ATP6V1B1: variants seen among roughly 807,000 people sequenced by gnomAD.
The protein encoded by ATP6V1B1 is V-type proton ATPase subunit B, kidney isoform.
ATP6V1B1 carries 41 observed loss-of-function variants against 62.1 expected under a neutral mutation model. The ratio of observed to expected loss-of-function variants is 0.66; its 90% confidence interval spans 0.51 to 0.86. The LOEUF is 0.86. Among genes scored for constraint, ATP6V1B1 ranks in the 40% least tolerant of loss-of-function variants. The pLI, the probability that ATP6V1B1 is intolerant of heterozygous loss-of-function variation, is 0.00. For missense variants in ATP6V1B1, 651 were observed against 697.5 expected, an observed-to-expected ratio of 0.93 and a Z score of 0.75; for synonymous variants, 253 against 273.4, an observed-to-expected ratio of 0.93 and a Z score of 0.74.
chr2:70,938,587 G>A, intron 1 of ATP6V1B1: 2 of 985,404 alleles, frequency 2.0e-6, no homozygotes, highest in Non-Finnish European at 2.4e-6. Flanking sequence ...CACTGCAGTG[G>A]CTGAGAGAGG....
chr2:70,944,132 A>G, intron 2 of ATP6V1B1: 1 of 1,283,106 alleles, frequency 7.8e-7, no homozygotes, highest in Non-Finnish European at 1.0e-6. Flanking sequence ...TTTAACGGGA[A>G]AGAGGAGGAG....
intron 1 of ATP6V1B1, among the ~76,000 whole-genome samples, chr2:70,937,849 T>C (rs968918942): frequency 4.6e-5 from 7 of 152,068 alleles, no homozygotes; most frequent in Non-Finnish European, 1.0e-4. Flanking sequence ...AGCCAGCTCT[T>C]TCCCACCCAG....
At chr2:70,950,968 G>A (rs12469950) in intron 2 of ATP6V1B1, among the ~76,000 whole-genome samples, 37,869 of 116,974 alleles carry the variant, frequency 0.32, 6,765 homozygotes, top group Non-Finnish European at 0.41. Flanking sequence ...TTGAGACGGA[G>A]TTTCACTCTT....
In ATP6V1B1 at chr2:70,963,351, T is replaced by G; in HGVS notation, c.1060+39T>G. ...AGCCCACTACCCTCCAGAGCTCCCC[T>G]GTCCTCCCTTTTCCAACCAGATACT... On this transcript the variant is annotated intron_variant, in intron 10 of 13. Coordinates refer to ENST00000234396, the MANE Select transcript of ATP6V1B1 (RefSeq NM_001692.4). This position sits in a 1 kb window ranked among gnomAD's most constrained non-coding sequence, Gnocchi z 4.3. 1 of 1,612,066 alleles carries G rather than the reference T, an allele frequency of 6.2e-7. No homozygotes were observed. Among genetic ancestry groups the G allele is most frequent in the East Asian group, 2.2e-5 (1 of 44,870 alleles).
chr2:70,962,812 C>G lies in ATP6V1B1; in HGVS notation c.821C>G (p.Thr274Ser). Residue 274 changes from threonine (T) to serine (S), a missense_variant, in exon 9 of 14, where the codon ACC (threonine) becomes AGC (serine). Transcript: ENST00000234396. ...ERIITPRLAL[T>S]TAEFLAYQCE... ...ATCATCACCCCGCGCCTGGCGCTGA[C>G]CACTGCTGAATTCCTTGCCTACCAG... 6.2e-7 allele frequency: 1 copy of G among 1,614,184 alleles called. No homozygotes were observed. Among genetic ancestry groups the G allele is most frequent in the Non-Finnish European group, 8.5e-7 (1 of 1,180,032 alleles).
intron 1 of ATP6V1B1, chr2:70,942,113 C>A: frequency 3.2e-6 from 3 of 948,976 alleles, no homozygotes; most frequent in African/African-American, 1.7e-5. Flanking sequence ...AGGCTCTGGT[C>A]CTTCACCCCA....
chr2:70,959,201 G>A lies in ATP6V1B1; in HGVS notation c.445+106G>A. ...CAAGCAGATCAGATGTGATGGGAGA[G>A]CAGCAAAGGCCTCTCTATCCCCAAA... On this transcript the variant is annotated intron_variant, in intron 5 of 13. Transcript: ENST00000234396. This position sits in a 1 kb window ranked among gnomAD's most constrained non-coding sequence, Gnocchi z 4.2. 1 of 1,220,596 alleles carries A rather than the reference G, an allele frequency of 8.2e-7. No individual in the cohort carries two copies. The highest frequency in any genetic ancestry group is 1.2e-6 in the Non-Finnish European group (1 of 837,752). The allele number at this position is 1,220,596 out of a possible 1,614,324, so 75.6% of individuals were successfully genotyped here. A position where few individuals can be genotyped will look rare whatever the true frequency, so the allele number is the denominator to read the frequency against.
chr2:70,943,865 T>G, intron 2 of ATP6V1B1, 152 bp downstream of exon 2: 3 of 1,285,632 alleles, frequency 2.3e-6, no homozygotes, highest in Non-Finnish European at 3.2e-6. Flanking sequence ...CCCACTCTCC[T>G]TCCCTAGCTG....
chr2:70,960,159 C>A (rs1680552286), intron 6 of ATP6V1B1, 81 bp downstream of exon 6: 2 of 1,587,406 alleles, frequency 1.3e-6, no homozygotes, highest in African/African-American at 1.3e-5. Context: ...GAGGACAGCT[C>A]CTGTGCCAAG....
At chr2:70,944,826 G>T (rs978860937) in intron 2 of ATP6V1B1, among the ~76,000 whole-genome samples, 1 of 152,028 alleles carries the variant, frequency 6.6e-6, no homozygotes, top group Non-Finnish European at 1.5e-5. Flanking sequence ...CCGCTACCAC[G>T]CCCAGCTGAT....
At chr2:70,940,061 C>T (rs1572905699) in intron 1 of ATP6V1B1, 2 of 152,434 alleles carry the variant, frequency 1.3e-5, no homozygotes, top group East Asian at 1.9e-4. Flanking sequence ...GCAGCAAGCA[C>T]TTTGCAGCTG....
In ATP6V1B1 at chr2:70,963,953, G is replaced by A. The variant is rs1425034186; in HGVS notation, c.1143+299G>A. On this transcript the variant is annotated intron_variant, in intron 11 of 13. Coordinates refer to ENST00000234396, the MANE Select transcript of ATP6V1B1 (RefSeq NM_001692.4). The surrounding 1 kb of genome is among the most constrained non-coding windows in gnomAD (Gnocchi z 4.3). Reference sequence around the variant, plus strand: ...GACGCATTGTGGAGGATAAAAATAAGTTGGCATATAGAAAGCATCTGGCAG... The same window carrying A: ...GACGCATTGTGGAGGATAAAAATAAATTGGCATATAGAAAGCATCTGGCAG... 4 of 507,016 alleles carry A rather than the reference G, an allele frequency of 7.9e-6. No individual in the cohort carries two copies. The highest frequency in any genetic ancestry group is 7.7e-5 in the African/African-American group (4 of 51,834). The allele number at this position is 507,016 out of a possible 1,614,324, so 31.4% of individuals were successfully genotyped here. A position where few individuals can be genotyped will look rare whatever the true frequency, so the allele number is the denominator to read the frequency against.
At position 70,964,973 on chromosome 2, in the gene ATP6V1B1, G is replaced by A. The variant is rs142905621; in HGVS notation, c.1394G>A (p.Arg465His). The A allele has an allele frequency of 1.7e-3, 2,672 of 1,613,912 alleles. 36 individuals carry two copies. Among genetic ancestry groups the A allele is most frequent in the South Asian group, 0.015 (1,405 of 91,090 alleles). ...NFINQGPYEN[R>H]SVFESLDLGW... ...CTGTCCCTAGGCCCCTACGAGAACC[G>A]CTCGGTGTTCGAGTCGCTGGACCTG... is the stretch of plus-strand genomic sequence containing the variant. Residue 465 changes from arginine (R) to histidine (H), a missense_variant, in exon 14 of 14, where the codon CGC becomes CAC. Physicochemically the swap from Arg to His is conservative, Grantham distance 29. Transcript: ENST00000234396.
In ATP6V1B1 at chr2:70,961,529, G is replaced by T; in HGVS notation, c.688-67G>T. 3 of 1,519,328 alleles carry T rather than the reference G, an allele frequency of 2.0e-6. No individual in the cohort carries two copies. In the South Asian group the frequency reaches 3.4e-5, roughly 17 times the overall value. 94.1% of individuals were successfully genotyped at this position (1,519,328 alleles called of 1,614,324 possible). A position where few individuals can be genotyped will look rare whatever the true frequency, so the allele number is the denominator to read the frequency against. Reference sequence around the variant, plus strand: ...TCCACAGGCTTTCCTGAGGACACCTGGGAGGGGCCAGGCCTTGCCCTCAGG... The same window carrying T: ...TCCACAGGCTTTCCTGAGGACACCTTGGAGGGGCCAGGCCTTGCCCTCAGG... On this transcript the variant is annotated intron_variant, in intron 7 of 13. Coordinates refer to ENST00000234396, the MANE Select transcript of ATP6V1B1 (RefSeq NM_001692.4).
At position 70,962,919 on chromosome 2, in the gene ATP6V1B1, G is replaced by T; in HGVS notation, c.909+19G>T. 6.2e-7 allele frequency: 1 copy of T among 1,613,610 alleles called. No individual in the cohort carries two copies. The highest frequency in any genetic ancestry group is 1.7e-4 in the Middle Eastern group (1 of 6,056). ...GCGGGAGGTAAGCTGGCTAGCAAGG[G>T]GTGTCAGATTCCTCCCTACCCCTCC... is the stretch of plus-strand genomic sequence containing the variant. On this transcript the variant is annotated intron_variant, in intron 9 of 13. Coordinates refer to ENST00000234396, the MANE Select transcript of ATP6V1B1 (RefSeq NM_001692.4).
At chr2:70,957,585 C>T (rs1257304917) in intron 2 of ATP6V1B1, among the ~76,000 whole-genome samples, 4 of 151,684 alleles carry the variant, frequency 2.6e-5, no homozygotes, top group South Asian at 2.1e-4. Context: ...TCCAGGATCC[C>T]GAGGCAGCCC....
At position 70,963,065 on chromosome 2, in the gene ATP6V1B1, C is replaced by G. The variant is rs977882457; in HGVS notation, c.910-97C>G. 3.6e-5 allele frequency: 57 copies of G among 1,602,726 alleles called. No individual in the cohort carries two copies. Among genetic ancestry groups the G allele is most frequent in the Middle Eastern group, 3.3e-4 (2 of 6,074 alleles). On this transcript the variant is annotated intron_variant, in intron 9 of 13. Coordinates refer to ENST00000234396, the MANE Select transcript of ATP6V1B1 (RefSeq NM_001692.4). This position sits in a 1 kb window ranked among gnomAD's most constrained non-coding sequence, Gnocchi z 4.3. The stretch of plus-strand genomic sequence containing the variant: ...GCCTGGCCATTCCTCCCCTGCCCCC[C>G]ACTCCATTTCTCACAGGGTCACTGA...
At chr2:70,945,603 G>A (rs1558670861) in intron 2 of ATP6V1B1, among the ~76,000 whole-genome samples, 1 of 150,228 alleles carries the variant, frequency 6.7e-6, no homozygotes, top group African/African-American at 2.5e-5. Context: ...TACATATAAT[G>A]CATAGTGATC....
chr2:70,936,046 G>A lies in ATP6V1B1; in HGVS notation c.92G>A (p.Arg31Gln), dbSNP rs143516810. 6.8e-6 allele frequency: 11 copies of A among 1,613,706 alleles called. No individual in the cohort carries two copies. The highest frequency in any genetic ancestry group is 1.1e-5 in the South Asian group (1 of 91,078). Residue 31 changes from arginine to glutamine, a missense_variant, in exon 1 of 14, where the codon CGA (arginine) becomes CAA (glutamine). Arg to Gln is a conservative substitution (Grantham distance 43). Transcript: ENST00000234396. The stretch of plus-strand genomic sequence containing the variant: ...CGAGAACACATGCAGGCGGTCACCC[G>A]AAACTACATCACCCACCCCCGTGTC... ...AAREHMQAVT[R>Q]NYITHPRVTY... is the part of the protein sequence containing the mutation.
Sources: gnomAD v4.1 joint callset for allele counts (sites outside exome capture counted in the v4.1 genomes callset) on GRCh38, gnomAD v4.1.1 for gene constraint, Gnocchi (gnomAD v3.1) non-coding constraint, MANE v1.5 for transcripts, NCBI Gene and HGNC (gene_info 2026-07-23, HGNC 2026-07-21) for gene names.